C3orf70: variants seen among roughly 807,000 people sequenced by gnomAD.
C3orf70 encodes the protein chromosome 3 open reading frame 70.
C3orf70 carries 15 observed loss-of-function variants against 20.7 expected under a neutral mutation model. The ratio of observed to expected loss-of-function variants is 0.72; its 90% confidence interval spans 0.48 to 1.11. The LOEUF (loss-of-function observed/expected upper bound fraction) is 1.11, where lower values mean the gene tolerates loss of function less well. Among genes scored for constraint, C3orf70 ranks in the 50% most tolerant of loss-of-function variants. C3orf70 has a pLI of 0.00. For missense variants in C3orf70, 332 were observed against 317.6 expected, an observed-to-expected ratio of 1.05 and a Z score of -0.34; for synonymous variants, 161 against 125.7, an observed-to-expected ratio of 1.28 and a Z score of -1.88.
intron 1 of C3orf70, among the ~76,000 whole-genome samples, chr3:185,149,247 C>G (rs1716935614): frequency 6.6e-6 from 1 of 152,024 alleles, no homozygotes; most frequent in Non-Finnish European, 1.5e-5. Flanking sequence ...ATAAAATTAG[C>G]CAGGCGTGGT....
chr3:185,099,175 C>G (rs947027462), intron 1 of C3orf70, among the ~76,000 whole-genome samples: 2 of 152,148 alleles, frequency 1.3e-5, no homozygotes, highest in Admixed American at 1.3e-4. Flanking sequence ...TCCGGGAGAA[C>G]TTTCCCAAGT....
Position 185,088,520 on chromosome 3 carries a change from ATC to A in C3orf70, c.197-4959_197-4958del, listed in dbSNP as rs146670427. On this transcript the variant is annotated intron_variant, in intron 1 of 1. Coordinates refer to ENST00000335012, the MANE Select transcript of C3orf70 (RefSeq NM_001025266.3). ...CTGTATTTCTTAAAATTTTATATAA[ATC>A]TATGATTTTTTTTCAAAATGTATAA... is the stretch of plus-strand genomic sequence containing the variant. 4.7e-3 allele frequency among the ~76,000 whole-genome samples: 716 copies of A among 151,218 alleles called. 5 individuals carry two copies. Among genetic ancestry groups the A allele is most frequent in the African/African-American group, 0.017 (696 of 41,492 alleles).
chr3:185,094,110 CTT>C (rs1238675445), intron 1 of C3orf70, among the ~76,000 whole-genome samples: 1 of 101,400 alleles, frequency 9.9e-6, no homozygotes, highest in Non-Finnish European at 1.8e-5. Context: ...GATGGAGTCA[CTT>C]TGTTACCCAG....
At chr3:185,085,713 G>GAGGTGGTATGGTAGGTGGTACGGT (rs143585542) in intron 1 of C3orf70, among the ~76,000 whole-genome samples, 1 of 151,920 alleles carries the variant, frequency 6.6e-6, no homozygotes, top group African/African-American at 2.4e-5. Context: ...TCAGATGTAA[G>GAGGTGGTATGGTAGGTGGTACGGT]AGGTGGTATG....
intron 1 of C3orf70, among the ~76,000 whole-genome samples, chr3:185,125,384 A>AAACAACAACAAC (rs141336074): frequency 6.7e-6 from 1 of 149,798 alleles, no homozygotes. Flanking sequence ...CCATCTCCAA[A>AAACAACAACAAC]AACAACAACA....
At chr3:185,090,790 C>T (rs908704078) in intron 1 of C3orf70, among the ~76,000 whole-genome samples, 7 of 152,162 alleles carry the variant, frequency 4.6e-5, no homozygotes, top group Non-Finnish European at 8.8e-5. Context: ...GCCCTTCATT[C>T]TGCCCCACTG....
At chr3:185,105,709 C>T (rs150805795) in intron 1 of C3orf70, among the ~76,000 whole-genome samples, 2,493 of 152,260 alleles carry the variant, frequency 0.016, 69 homozygotes, top group African/African-American at 0.057. Context: ...GAGCTGGTCT[C>T]GGCAAATGGC....
chr3:185,117,241 T>C (rs576622750), intron 1 of C3orf70, among the ~76,000 whole-genome samples: 8 of 152,350 alleles, frequency 5.3e-5, no homozygotes, highest in South Asian at 4.1e-4. Context: ...TTGTTTTTTT[T>C]CTACTGAAAA....
At chr3:185,115,498 C>G (rs1716156585) in intron 1 of C3orf70, among the ~76,000 whole-genome samples, 1 of 152,170 alleles carries the variant, frequency 6.6e-6, no homozygotes, top group South Asian at 2.1e-4. Context: ...CTCTTGGCCC[C>G]TCTCTATGCC....
chr3:185,084,518 C>G (rs1715421110), intron 1 of C3orf70, among the ~76,000 whole-genome samples: 1 of 151,836 alleles, frequency 6.6e-6, no homozygotes, highest in South Asian at 2.1e-4. Context: ...CCGCACCCCT[C>G]CCCGACACCA....
chr3:185,082,798 G>C lies in C3orf70; in HGVS notation c.*209C>G. ...AGATGCTACATAGAAAGTAAGTCAG[G>C]ATACAAAAGAAAACTGTTTATAATA... is the stretch of plus-strand genomic sequence containing the variant. On this transcript the variant is annotated 3_prime_UTR_variant, in exon 2 of 2. Coordinates refer to ENST00000335012, the MANE Select transcript of C3orf70 (RefSeq NM_001025266.3). 1.8e-6 allele frequency: 1 copy of C among 548,616 alleles called. No homozygotes were observed. Among genetic ancestry groups the C allele is most frequent in the Non-Finnish European group, 3.2e-6 (1 of 311,310 alleles). 34.0% of individuals were successfully genotyped at this position (548,616 alleles called of 1,614,324 possible).
rs1715317258 is a variant in C3orf70, at chr3:185,080,694, G to C, written c.*2313C>G. Reference sequence around the variant, plus strand: ...TGGCTTCCACACCTGCCTTCAGTGAGCCACTCATGCACGGGAGGCACCGAG... The same window carrying C: ...TGGCTTCCACACCTGCCTTCAGTGACCCACTCATGCACGGGAGGCACCGAG... On this transcript the variant is annotated 3_prime_UTR_variant, in exon 2 of 2. Coordinates refer to ENST00000335012, the MANE Select transcript of C3orf70 (RefSeq NM_001025266.3). The C allele has an allele frequency of 6.6e-6, 1 of 152,108 alleles. No homozygotes were observed. The highest frequency in any genetic ancestry group is 1.5e-5 in the Non-Finnish European group (1 of 68,046). The allele number at this position is 152,108 out of a possible 1,614,324, so 9.4% of individuals were successfully genotyped here. A position where few individuals can be genotyped will look rare whatever the true frequency, so the allele number is the denominator to read the frequency against.
intron 1 of C3orf70, among the ~76,000 whole-genome samples, chr3:185,142,014 T>C (rs1352970926): frequency 6.6e-6 from 1 of 152,142 alleles, no homozygotes. Context: ...TGGGACATCT[T>C]GTGCCAGAAA....
chr3:185,102,733 G>A (rs969055585), intron 1 of C3orf70, among the ~76,000 whole-genome samples: 1 of 152,206 alleles, frequency 6.6e-6, no homozygotes, highest in Non-Finnish European at 1.5e-5. Context: ...AAACAGAATA[G>A]AGCCCCAAAA....
chr3:185,114,763 C>A (rs1379738834), intron 1 of C3orf70, among the ~76,000 whole-genome samples: 2 of 152,124 alleles, frequency 1.3e-5, no homozygotes, highest in Non-Finnish European at 2.9e-5. Context: ...GAAAATGAGG[C>A]CGAATGACTT....
intron 1 of C3orf70, among the ~76,000 whole-genome samples, chr3:185,120,919 A>C (rs1561353214): frequency 6.6e-6 from 1 of 150,516 alleles, no homozygotes; most frequent in South Asian, 2.1e-4. Flanking sequence ...TACAAAAAAT[A>C]TACTTGAACA....
intron 1 of C3orf70, among the ~76,000 whole-genome samples, chr3:185,111,947 T>C (rs908998862): frequency 2.0e-5 from 3 of 152,174 alleles, no homozygotes; most frequent in Admixed American, 6.5e-5. Context: ...ATAAATGAAG[T>C]AAGCATTTAA....
chr3:185,110,350 A>G (rs1214836887), intron 1 of C3orf70, among the ~76,000 whole-genome samples: 1 of 152,270 alleles, frequency 6.6e-6, no homozygotes, highest in African/African-American at 2.4e-5. Flanking sequence ...ATTAGCAGCT[A>G]GTAACCTGTT....
At chr3:185,138,389 TC>T (rs1311791542) in intron 1 of C3orf70, among the ~76,000 whole-genome samples, 1 of 151,828 alleles carries the variant, frequency 6.6e-6, no homozygotes, top group African/African-American at 2.4e-5. Flanking sequence ...GGAAAAACTT[TC>T]TAATTCATTG....
Sources: allele counts gnomAD v4.1 joint callset (sites outside exome capture counted in the v4.1 genomes callset), GRCh38; gene constraint gnomAD v4.1.1; transcripts MANE v1.5; gene names NCBI Gene and HGNC (gene_info 2026-07-23, HGNC 2026-07-21).